TTC23: variants seen among roughly 807,000 people sequenced by gnomAD.
TTC23 encodes tetratricopeptide repeat domain 23, also known as tetratricopeptide repeat protein 23.
A neutral mutation model predicts 55.1 loss-of-function variants in TTC23; 58 were observed. The ratio of observed to expected loss-of-function variants is 1.05; its 90% CI spans 0.85 to 1.31. The LOEUF is 1.31. Among genes scored for constraint, TTC23 ranks in the 50% most tolerant of loss-of-function variants. TTC23 has a pLI of 0.00. For synonymous variants in TTC23, 203 were observed against 199.9 expected (o/e 1.02, Z -0.13); for missense variants, 516 against 534.4 (o/e 0.97, Z 0.34).
rs140543187 is a variant in TTC23 at position 99,199,793 on chromosome 15, G to A, written c.759+126C>T. 26 of 937,060 alleles carry A rather than the reference G, an allele frequency of 2.8e-5. No individual in the cohort carries two copies. The African/African-American group carries it at 3.7e-4, about 13-fold the overall frequency. The allele number at this position is 937,060 out of a possible 1,614,324, so 58.0% of individuals were successfully genotyped here. On this transcript the variant is annotated intron_variant, in intron 9 of 13. Coordinates refer to ENST00000394132, the MANE Select transcript of TTC23 (RefSeq NM_001288615.3). ...ACACCTTTGTTGAGCATCTACTCTA[G>A]GCCAACTGTTGTCCTTATCTAGAGC...
intron 5 of TTC23, among the ~76,000 whole-genome samples, chr15:99,227,516 G>C (rs1430554916): frequency 1.3e-5 from 2 of 152,102 alleles, no homozygotes; most frequent in Non-Finnish European, 1.5e-5. Context: ...TCACAGCTAT[G>C]GGAGTGACTG....
intron 12 of TTC23, among the ~76,000 whole-genome samples, chr15:99,154,405 A>G (rs1390256260): frequency 1.3e-5 from 2 of 152,204 alleles, no homozygotes; most frequent in Non-Finnish European, 2.9e-5. Context: ...CAGCCTAATG[A>G]GAGTGGATTA....
intron 12 of TTC23, chr15:99,144,458 T>A (rs2068598429): frequency 6.6e-6 from 1 of 152,242 alleles, no homozygotes; most frequent in African/African-American, 2.4e-5. Flanking sequence ...AGGGCCATTT[T>A]CATAGCAGCA....
chr15:99,140,046 A>G (rs557446691), intron 12 of TTC23: 1 of 225,398 alleles, frequency 4.4e-6, no homozygotes, highest in South Asian at 6.4e-5. Flanking sequence ...GAGGTGGAGG[A>G]ACTTGCTTTA....
chr15:99,215,730 G>A (rs922537199), intron 8 of TTC23, among the ~76,000 whole-genome samples: 1 of 151,844 alleles, frequency 6.6e-6, no homozygotes, highest in African/African-American at 2.4e-5. Context: ...CTGGGCAACA[G>A]AGTGAGATCC....
intron 1 of TTC23, among the ~76,000 whole-genome samples, chr15:99,247,508 G>A (rs1267652975): frequency 6.6e-6 from 1 of 152,082 alleles, no homozygotes; most frequent in East Asian, 1.9e-4. Flanking sequence ...ATAAAATGTG[G>A]ATTATTACTT....
Position 99,218,597 on chromosome 15 carries a change from G to T in TTC23, c.572C>A (p.Ser191Ter). 2 of 1,614,154 alleles carry T rather than the reference G, an allele frequency of 1.2e-6. No individual in the cohort carries two copies. The highest frequency in any genetic ancestry group is 1.7e-6 in the Non-Finnish European group (2 of 1,180,016). ...WIEIEARIRLSFAQVYQGQKK... is the reference protein window; with the variant it reads ...WIEIEARIRL ...TAAACTTGAAACTTACTGTGCAAAT[G>T]ATAATCTGATCCGTGCTTCAATTTC... The change falls in exon 8 of 14, where the codon TCA (serine) becomes TAA (stop). Residue 191 changes from serine (S) to a stop codon, truncating the protein, a stop_gained. Coordinates refer to ENST00000394132, the MANE Select transcript of TTC23 (RefSeq NM_001288615.3). LOFTEE classifies it high-confidence loss of function.
chr15:99,240,553 G>C (rs2079689631), intron 3 of TTC23, among the ~76,000 whole-genome samples: 1 of 152,210 alleles, frequency 6.6e-6, no homozygotes, highest in Admixed American at 6.5e-5. Flanking sequence ...CTAGGGAAGA[G>C]GGGGAGCTGC....
chr15:99,214,497 G>A, intron 8 of TTC23, among the ~76,000 whole-genome samples: 1 of 100,832 alleles, frequency 9.9e-6, no homozygotes, highest in South Asian at 3.5e-4. Flanking sequence ...GACAGAGTGA[G>A]ACTGCATCTC....
intron 12 of TTC23, among the ~76,000 whole-genome samples, chr15:99,152,625 G>C (rs189376087): frequency 6.6e-6 from 1 of 152,136 alleles, no homozygotes; most frequent in Admixed American, 6.5e-5. Flanking sequence ...GCCCAGCTCA[G>C]CCTCCAAAGT....
chr15:99,212,387 C>T (rs2077111574), intron 8 of TTC23, among the ~76,000 whole-genome samples: 1 of 152,154 alleles, frequency 6.6e-6, no homozygotes, highest in African/African-American at 2.4e-5. Flanking sequence ...ATTCTTAACA[C>T]TGGGGATAAA....
chr15:99,221,435 G>A (rs541663516), intron 6 of TTC23, among the ~76,000 whole-genome samples: 8 of 152,118 alleles, frequency 5.3e-5, no homozygotes, highest in African/African-American at 1.9e-4. Context: ...TCCATACCTT[G>A]GGTTTTTTCC....
At chr15:99,182,248 T>TCTCACACA (rs1286172224) in intron 9 of TTC23, among the ~76,000 whole-genome samples, 21 of 108,692 alleles carry the variant, frequency 1.9e-4, no homozygotes, top group African/African-American at 8.0e-4. Flanking sequence ...TCTCTCTCTC[T>TCTCACACA]CACACACACA....
At chr15:99,169,346 T>C (rs2072596182) in intron 10 of TTC23, among the ~76,000 whole-genome samples, 2 of 152,070 alleles carry the variant, frequency 1.3e-5, no homozygotes, top group Admixed American at 1.3e-4. Flanking sequence ...TGGCTTACTC[T>C]CACTTGACTG....
chr15:99,249,027 C>T (rs991990112), intron 1 of TTC23, 144 bp downstream of exon 1: 3 of 151,970 alleles, frequency 2.0e-5, no homozygotes, highest in Non-Finnish European at 4.4e-5. Flanking sequence ...CCAGGTATGA[C>T]AATATATAAA....
chr15:99,231,065 G>A (rs182936898), intron 4 of TTC23, among the ~76,000 whole-genome samples: 1 of 152,316 alleles, frequency 6.6e-6, no homozygotes. Flanking sequence ...TGATACAGTA[G>A]CTGTCGTAAC....
chr15:99,211,760 G>C (rs147291959), intron 8 of TTC23, among the ~76,000 whole-genome samples: 147 of 152,012 alleles, frequency 9.7e-4, no homozygotes, highest in Non-Finnish European at 1.9e-3. Flanking sequence ...CAGGAGAGGA[G>C]AGTGAGGCTC....
chr15:99,172,389 T>C (rs929575917), intron 10 of TTC23, among the ~76,000 whole-genome samples: 1 of 152,200 alleles, frequency 6.6e-6, no homozygotes, highest in African/African-American at 2.4e-5. Context: ...CGCATGCTCC[T>C]GGGCCCCAGG....
intron 5 of TTC23, among the ~76,000 whole-genome samples, chr15:99,222,089 C>A (rs1393359776): frequency 6.6e-6 from 1 of 151,962 alleles, no homozygotes; most frequent in South Asian, 2.1e-4. Flanking sequence ...ATAAGAAGTA[C>A]AATTTATAGT....
Sources: gnomAD v4.1 joint callset for allele counts (sites outside exome capture counted in the v4.1 genomes callset) on GRCh38, gnomAD v4.1.1 for gene constraint, MANE v1.5 for transcripts, NCBI Gene and HGNC (gene_info 2026-07-23, HGNC 2026-07-21) for gene names.